Variants in KCNIP4 observed in about 807,000 individuals in gnomAD.
KCNIP4 encodes Kv channel-interacting protein 4.
In KCNIP4, 12 loss-of-function variants were observed where a neutral mutation model predicts 34.0. The ratio of observed to expected loss-of-function variants is 0.35; its 90% confidence interval spans 0.23 to 0.57. KCNIP4 has a LOEUF of 0.57. KCNIP4 is among the 20% of genes least tolerant of loss of function. The pLI is 0.83. For missense variants in KCNIP4, 238 were observed against 311.7 expected, an observed-to-expected ratio of 0.76 and a Z score of 1.78; for synonymous variants, 124 against 102.2, an observed-to-expected ratio of 1.21 and a Z score of -1.29.
chr4:21,829,428 G>A (rs141108689), intron 1 of KCNIP4, among the ~76,000 whole-genome samples: 111 of 152,056 alleles, frequency 7.3e-4, no homozygotes, highest in African/African-American at 2.6e-3. Flanking sequence ...AGTAATAAAT[G>A]GTAAGGTATA....
At chr4:21,640,006 C>A (rs754794647) in intron 1 of KCNIP4, among the ~76,000 whole-genome samples, 22 of 152,166 alleles carry the variant, frequency 1.4e-4, no homozygotes, top group Non-Finnish European at 1.2e-4. Context: ...CCCTAAAACA[C>A]AGTCACCCAG....
chr4:21,408,615 G>A (rs1207146155), intron 1 of KCNIP4, among the ~76,000 whole-genome samples: 1 of 152,196 alleles, frequency 6.6e-6, no homozygotes, highest in Non-Finnish European at 1.5e-5. Context: ...TGGTTTCAAT[G>A]CGATGCAATT....
chr4:21,859,555 G>A (rs1221437758), intron 1 of KCNIP4, among the ~76,000 whole-genome samples: 1 of 151,722 alleles, frequency 6.6e-6, no homozygotes, highest in African/African-American at 2.4e-5. Context: ...ATGAACCTGG[G>A]AGGCGGAGCT....
At chr4:21,002,745 G>A (rs1738251361) in intron 1 of KCNIP4, among the ~76,000 whole-genome samples, 1 of 152,144 alleles carries the variant, frequency 6.6e-6, no homozygotes, top group Middle Eastern at 3.2e-3. Context: ...AGTTTGGGAA[G>A]TATAAACTAA....
At position 21,866,964 on chromosome 4, in the gene KCNIP4, G is replaced by T. The variant is rs1354694166; in HGVS notation, c.61+81607C>A. Among the ~76,000 whole-genome samples, 3 of 151,658 alleles carry T rather than the reference G, an allele frequency of 2.0e-5. No homozygotes were observed. The South Asian group carries it at 6.3e-4, about 32-fold the overall frequency. ...TTTTTTGTATTTTTAGTAGAGACAG[G>T]GTTTCACCATGTTAGCCAGGATGGT... On this transcript the variant is annotated intron_variant, in intron 1 of 8. Coordinates refer to ENST00000382152, the MANE Select transcript of KCNIP4 (RefSeq NM_025221.6).
chr4:21,221,140 C>T (rs1757953061), intron 1 of KCNIP4, among the ~76,000 whole-genome samples: 1 of 152,122 alleles, frequency 6.6e-6, no homozygotes, highest in East Asian at 1.9e-4. Context: ...TCATGGATTA[C>T]AGCTCATTGT....
At chr4:21,901,847 G>GGGAAAAACAT (rs1359911070) in intron 1 of KCNIP4, among the ~76,000 whole-genome samples, 1 of 152,016 alleles carries the variant, frequency 6.6e-6, no homozygotes, top group Non-Finnish European at 1.5e-5. Flanking sequence ...TGAAAAATCT[G>GGGAAAAACAT]GGGAAGTTCC....
At chr4:21,457,909 C>T (rs1437239110) in intron 1 of KCNIP4, among the ~76,000 whole-genome samples, 4 of 152,010 alleles carry the variant, frequency 2.6e-5, no homozygotes, top group Non-Finnish European at 5.9e-5. Context: ...TCAGTTTTTG[C>T]CTGACTGTCT....
At position 21,840,824 on chromosome 4, in the gene KCNIP4, G is replaced by A. The variant is rs192854405; in HGVS notation, c.61+107747C>T. Among the ~76,000 whole-genome samples, 111 of 152,222 alleles carry A rather than the reference G, an allele frequency of 7.3e-4. 2 individuals are homozygous for A. Among genetic ancestry groups the A allele is most frequent in the Non-Finnish European group, 1.3e-3 (88 of 68,022 alleles). On this transcript the variant is annotated intron_variant, in intron 1 of 8. Transcript: ENST00000382152. ...ATAGCCAGACCTGCATAAAGGCTCT[G>A]GTTTACTTGAAAGTCAATGTCTCAG...
chr4:21,772,852 A>AT (rs1718893584), intron 1 of KCNIP4, among the ~76,000 whole-genome samples: 1 of 151,038 alleles, frequency 6.6e-6, no homozygotes, highest in South Asian at 2.1e-4. Flanking sequence ...TATTTTGTTA[A>AT]TTTTTTCAAA....
chr4:21,658,695 C>T (rs1026760555), intron 1 of KCNIP4, among the ~76,000 whole-genome samples: 1 of 152,188 alleles, frequency 6.6e-6, no homozygotes, highest in African/African-American at 2.4e-5. Flanking sequence ...GCCACCGCGC[C>T]AGGCCCACAT....
intron 1 of KCNIP4, among the ~76,000 whole-genome samples, chr4:21,032,883 A>G (rs1229690744): frequency 1.3e-5 from 2 of 152,104 alleles, no homozygotes; most frequent in African/African-American, 2.4e-5. Context: ...GTGAGACTTT[A>G]AGAAAATAGA....
intron 1 of KCNIP4, among the ~76,000 whole-genome samples, chr4:21,536,734 T>C (rs1312037154): frequency 6.6e-6 from 1 of 151,426 alleles, no homozygotes; most frequent in Admixed American, 6.6e-5. Flanking sequence ...TGAGCCGAGA[T>C]CACGCCACTG....
In KCNIP4 at chr4:21,518,320, TTTC is replaced by T. The variant is rs529377637; in HGVS notation, c.61+430248_61+430250del. Among the ~76,000 whole-genome samples the T allele has an allele frequency of 4.8e-4, 73 of 152,272 alleles. No homozygotes were observed. In the East Asian group the frequency reaches 8.1e-3, roughly 17 times the overall value. On this transcript the variant is annotated intron_variant, in intron 1 of 8. Coordinates refer to ENST00000382152, the MANE Select transcript of KCNIP4 (RefSeq NM_025221.6). ...AGTTGCAGGAAATTGCTTTCTTCCC[TTTC>T]TTCTTCTTTTTTTCTTCAGCAGTCA...
intron 1 of KCNIP4, among the ~76,000 whole-genome samples, chr4:21,234,518 A>T (rs1423974448): frequency 1.8e-5 from 2 of 111,182 alleles, no homozygotes; most frequent in Non-Finnish European, 1.7e-5. Flanking sequence ...TAACGTATAT[A>T]ATATATATTA....
In KCNIP4 at chr4:21,574,606, G is replaced by T. The variant is rs141930961; in HGVS notation, c.61+373965C>A. ...TGCAGAAGGTGAAAAATTAAAGAAGGATCCAGATTTGAAGGAGACTATAGT... is the reference window on the plus strand; with the variant it reads ...TGCAGAAGGTGAAAAATTAAAGAAGTATCCAGATTTGAAGGAGACTATAGT... On this transcript the variant is annotated intron_variant, in intron 1 of 8. Transcript: ENST00000382152. Among the ~76,000 whole-genome samples, 18 of 152,214 alleles carry T rather than the reference G, an allele frequency of 1.2e-4. No individual in the cohort carries two copies. In the East Asian group the frequency reaches 1.4e-3, roughly 11 times the overall value.
chr4:21,758,563 T>C (rs1717821450), intron 1 of KCNIP4, among the ~76,000 whole-genome samples: 1 of 152,230 alleles, frequency 6.6e-6, no homozygotes, highest in Non-Finnish European at 1.5e-5. Flanking sequence ...TTAATAGGCA[T>C]ACTTTGTTCT....
At chr4:21,700,410 C>T (rs566562400) in intron 1 of KCNIP4, among the ~76,000 whole-genome samples, 52 of 152,250 alleles carry the variant, frequency 3.4e-4, no homozygotes, top group Non-Finnish European at 7.4e-5. Flanking sequence ...TGTTCAGGTC[C>T]TTTGCCCACT....
chr4:21,363,785 G>T (rs778056644), intron 1 of KCNIP4, among the ~76,000 whole-genome samples: 12 of 152,054 alleles, frequency 7.9e-5, no homozygotes, highest in Non-Finnish European at 1.2e-4. Context: ...AGTTCTTAAG[G>T]ATTTGAAGAA....
Sources: gnomAD v4.1 joint callset for allele counts (sites outside exome capture counted in the v4.1 genomes callset) on GRCh38, gnomAD v4.1.1 for gene constraint, MANE v1.5 for transcripts, NCBI Gene and HGNC (gene_info 2026-07-23, HGNC 2026-07-21) for gene names.